The following RAPGEF4 variants were observed in gnomAD, a reference collection of about 807,000 sequenced individuals.
RAPGEF4 encodes the protein Rap guanine nucleotide exchange factor 4.
A neutral mutation model predicts 147.9 loss-of-function variants in RAPGEF4; 66 were observed. That is an observed-to-expected ratio of 0.45 (90% CI 0.37 to 0.55). The LOEUF (loss-of-function observed/expected upper bound fraction) is 0.55, where lower values mean the gene tolerates loss of function less well. Ranked by LOEUF, RAPGEF4 falls within the 20% of genes least tolerant of loss-of-function variation. The pLI, the probability that RAPGEF4 is intolerant of heterozygous loss-of-function variation, is 0.00. For synonymous variants in RAPGEF4, 419 were observed against 442.7 expected (o/e 0.95, Z 0.67); for missense variants, 1,071 against 1,257.3 (o/e 0.85, Z 2.24).
chr2:172,878,290 C>T (rs1225739693), intron 4 of RAPGEF4, among the ~76,000 whole-genome samples: 1 of 152,028 alleles, frequency 6.6e-6, no homozygotes, highest in Non-Finnish European at 1.5e-5. Context: ...TATCTTTTTC[C>T]CACTCACCCA....
At chr2:173,045,592 C>T (rs1228489295) in intron 29 of RAPGEF4, among the ~76,000 whole-genome samples, 4 of 152,182 alleles carry the variant, frequency 2.6e-5, no homozygotes, top group African/African-American at 9.7e-5. Context: ...TGGGTCATTG[C>T]CGTGGCATTT....
At chr2:172,887,093 A>G (rs1697318231) in intron 4 of RAPGEF4, among the ~76,000 whole-genome samples, 1 of 152,056 alleles carries the variant, frequency 6.6e-6, no homozygotes, top group Non-Finnish European at 1.5e-5. Context: ...ATGGTGAGGC[A>G]GGAGAATCCC....
At chr2:172,804,442 G>A (rs1463058303) in intron 3 of RAPGEF4, among the ~76,000 whole-genome samples, 1 of 152,172 alleles carries the variant, frequency 6.6e-6, no homozygotes, top group Non-Finnish European at 1.5e-5. Context: ...CATTTACAGA[G>A]CATTTCAGGA....
At chr2:172,985,834 AC>A (rs986839600) in intron 12 of RAPGEF4, among the ~76,000 whole-genome samples, 1 of 151,976 alleles carries the variant, frequency 6.6e-6, no homozygotes, top group Non-Finnish European at 1.5e-5. Flanking sequence ...TTTCCCAGTG[AC>A]CTCATTTCGT....
chr2:172,931,367 G>A (rs1031893395), intron 6 of RAPGEF4, among the ~76,000 whole-genome samples: 3 of 152,190 alleles, frequency 2.0e-5, no homozygotes, highest in African/African-American at 7.2e-5. Context: ...AGGCAGGCCT[G>A]TGGGTTCTGG....
At chr2:172,779,664 T>C (rs1684504714) in intron 1 of RAPGEF4, among the ~76,000 whole-genome samples, 1 of 152,142 alleles carries the variant, frequency 6.6e-6, no homozygotes, top group Non-Finnish European at 1.5e-5. Context: ...GCTGTGAACC[T>C]GCTTAAATAT....
At chr2:172,942,984 C>A (rs1420646054) in intron 6 of RAPGEF4, among the ~76,000 whole-genome samples, 1 of 152,066 alleles carries the variant, frequency 6.6e-6, no homozygotes, top group Non-Finnish European at 1.5e-5. Flanking sequence ...ATTGCAGCTT[C>A]AGAAGTGTGT....
At chr2:172,849,970 A>G (rs1692627314) in intron 4 of RAPGEF4, among the ~76,000 whole-genome samples, 1 of 152,212 alleles carries the variant, frequency 6.6e-6, no homozygotes, top group East Asian at 1.9e-4. Context: ...GTGCAGTCAG[A>G]AGGCAAGAGT....
chr2:172,906,215 T>C (rs1239225372), intron 4 of RAPGEF4, among the ~76,000 whole-genome samples: 1 of 152,230 alleles, frequency 6.6e-6, no homozygotes, highest in Non-Finnish European at 1.5e-5. Context: ...AAAGTACAGA[T>C]GACCTGTTCT....
rs778643825 is a variant in RAPGEF4 at position 172,961,155 on chromosome 2, A to G, written c.625A>G (p.Ile209Val). The G allele has an allele frequency of 1.2e-6, 2 of 1,613,078 alleles. No individual in the cohort carries two copies. The highest frequency in any genetic ancestry group is 1.7e-6 in the Non-Finnish European group (2 of 1,179,068). The change falls in exon 8 of 31, where the codon ATT (isoleucine) becomes GTT (valine). Residue 209 changes from isoleucine (I) to valine (V), a missense_variant. Ile to Val is a conservative substitution (Grantham distance 29). Transcript: ENST00000397081. ...PSEKILRAGK[I>V]LRNAILSRAP... ...AGAGAAGATCCTCAGAGCTGGAAAA[A>G]TTTTACGAAATGCCATTCTCTCTCG...
Position 172,736,029 on chromosome 2 carries a change from A to G in RAPGEF4, c.46A>G (p.Ile16Val). ...CCATTCTTCCTCCTCTGCCGAGTGG[A>G]TCGCCTGCCTGGATAAAAGGTAGCT... ...AAHSSSSAEW[I>V]ACLDKRPLER... Residue 16 changes from isoleucine (I) to valine (V), a missense_variant, in exon 1 of 31, where the codon ATC becomes GTC. Coordinates refer to ENST00000397081, the MANE Select transcript of RAPGEF4 (RefSeq NM_007023.4). 1.4e-6 allele frequency: 2 copies of G among 1,466,474 alleles called. No individual in the cohort carries two copies. The highest frequency in any genetic ancestry group is 1.8e-6 in the Non-Finnish European group (2 of 1,109,310). 90.8% of individuals were successfully genotyped at this position (1,466,474 alleles called of 1,614,324 possible). A position where few individuals can be genotyped will look rare whatever the true frequency, so the allele number is the denominator to read the frequency against.
intron 1 of RAPGEF4, among the ~76,000 whole-genome samples, chr2:172,776,507 AT>A (rs897525814): frequency 1.3e-5 from 2 of 151,864 alleles, no homozygotes; most frequent in Admixed American, 6.6e-5. Flanking sequence ...ATTTCTTTAA[AT>A]TTTTTTCCCC....
chr2:172,981,206 G>A (rs186291333), intron 10 of RAPGEF4, among the ~76,000 whole-genome samples: 73 of 152,322 alleles, frequency 4.8e-4, no homozygotes, highest in African/African-American at 1.8e-3. Context: ...TTCTAGGAGG[G>A]TTCCCTGTTA....
rs531162833 is a variant in RAPGEF4, at chr2:172,797,622, G to T, written c.297+9G>T. ...AGACCAGCAGTCACCAGGTAATATG[G>T]TCTATTTTTTTGAAAGTAGGATTTA... On this transcript the variant is annotated intron_variant, in intron 3 of 30. Transcript: ENST00000397081. The T allele has an allele frequency of 7.6e-5, 122 of 1,602,530 alleles. No homozygotes were observed. The highest frequency in any genetic ancestry group is 5.3e-5 in the Non-Finnish European group (62 of 1,171,338).
intron 4 of RAPGEF4, among the ~76,000 whole-genome samples, chr2:172,816,002 A>G (rs1688465994): frequency 6.6e-6 from 1 of 152,154 alleles, no homozygotes; most frequent in Non-Finnish European, 1.5e-5. Context: ...TTGGTGAACT[A>G]CTTTATCGTA....
At chr2:172,975,830 G>C (rs575012953) in intron 10 of RAPGEF4, among the ~76,000 whole-genome samples, 1 of 152,262 alleles carries the variant, frequency 6.6e-6, no homozygotes, top group African/African-American at 2.4e-5. Context: ...TCAACTTGTT[G>C]CTTAGGTGTT....
chr2:172,990,724 C>G, intron 14 of RAPGEF4, 86 bp from the exon 15 acceptor site: 1 of 877,178 alleles, frequency 1.1e-6, no homozygotes, highest in Non-Finnish European at 1.8e-6. Context: ...ATGACAAGCA[C>G]CAAATGAGTT....
In RAPGEF4 at chr2:172,980,230, C is replaced by A. The variant is rs550670124; in HGVS notation, c.1005-3266C>A. Among the ~76,000 whole-genome samples, 400 of 152,158 alleles carry A rather than the reference C, an allele frequency of 2.6e-3. 1 individual carries two copies. The highest frequency in any genetic ancestry group is 3.2e-3 in the Non-Finnish European group (217 of 68,002). ...TGAGTCTAGAGAAGGAAGTTAAGAT[C>A]TGGTTTCCAGGAGCGTTGTGTGATG... On this transcript the variant is annotated intron_variant, in intron 10 of 30. Transcript: ENST00000397081.
At chr2:172,967,135 G>A (rs1689925898) in intron 9 of RAPGEF4, 126 bp from the exon 10 acceptor site, 6 of 893,554 alleles carry the variant, frequency 6.7e-6, no homozygotes, top group Middle Eastern at 3.5e-4. Context: ...AGAGTGAGAA[G>A]GGCGAGGAGG....
Sources: allele counts gnomAD v4.1 joint callset (sites outside exome capture counted in the v4.1 genomes callset), GRCh38; gene constraint gnomAD v4.1.1; transcripts MANE v1.5; gene names NCBI Gene and HGNC (gene_info 2026-07-23, HGNC 2026-07-21).